Variants in CNTN4 observed in about 807,000 individuals in gnomAD.
CNTN4 encodes the protein contactin-4.
In CNTN4, 77 loss-of-function variants were observed where a neutral mutation model predicts 122.5. That is an observed-to-expected ratio of 0.63 (90% confidence interval 0.52 to 0.76). The LOEUF is 0.76. Ranked by LOEUF, CNTN4 falls within the 30% of genes least tolerant of loss-of-function variation. The pLI is 0.00. For missense variants in CNTN4, 1,256 were observed against 1,259.1 expected (o/e 1.00, Z 0.04); for synonymous variants, 512 against 447.0 (o/e 1.15, Z -1.83).
intron 3 of CNTN4, among the ~76,000 whole-genome samples, chr3:2,474,194 C>T (rs1052857734): frequency 6.6e-6 from 1 of 152,082 alleles, no homozygotes; most frequent in Admixed American, 6.6e-5. Context: ...CTTCCCTTAG[C>T]ACAGCATTTC....
At chr3:2,275,993 AAT>A (rs1238219274) in intron 2 of CNTN4, among the ~76,000 whole-genome samples, 1 of 151,910 alleles carries the variant, frequency 6.6e-6, no homozygotes, top group Non-Finnish European at 1.5e-5. Flanking sequence ...GTGAGTATAA[AAT>A]CATTGGTAAT....
chr3:2,562,508 G>C (rs1459610778), intron 3 of CNTN4, among the ~76,000 whole-genome samples: 5 of 152,048 alleles, frequency 3.3e-5, no homozygotes, highest in Non-Finnish European at 1.5e-5. Context: ...GCATTAATTT[G>C]TTTAGTATAA....
At chr3:2,419,864 A>G (rs1400444596) in intron 3 of CNTN4, among the ~76,000 whole-genome samples, 1 of 152,156 alleles carries the variant, frequency 6.6e-6, no homozygotes, top group African/African-American at 2.4e-5. Context: ...ATATACAAAT[A>G]TATCAGCTCA....
At chr3:3,009,775 G>C (rs1190064209) in intron 14 of CNTN4, among the ~76,000 whole-genome samples, 2 of 152,144 alleles carry the variant, frequency 1.3e-5, no homozygotes, top group African/African-American at 4.8e-5. Context: ...TTTTGTGTTA[G>C]TTGTCCTCAC....
intron 4 of CNTN4, among the ~76,000 whole-genome samples, chr3:2,713,032 T>C (rs1037350220): frequency 1.3e-5 from 2 of 152,196 alleles, no homozygotes; most frequent in Admixed American, 1.3e-4. Context: ...CCTGTGTTAT[T>C]TGAGCCACTC....
In CNTN4 at chr3:2,440,216, A is replaced by G. The variant is rs1038620524; in HGVS notation, c.-89+100983A>G. ...TGCAGGTTAGTTACATATGTATACC[A>G]TGAAACTGGAAATCATCATTCTCAG... is the stretch of plus-strand genomic sequence containing the variant. On this transcript the variant is annotated intron_variant, in intron 3 of 24. Coordinates refer to ENST00000418658, the MANE Select transcript of CNTN4 (RefSeq NM_175607.3). 2.6e-5 allele frequency among the ~76,000 whole-genome samples: 4 copies of G among 152,164 alleles called. No homozygotes were observed. The South Asian group carries it at 8.3e-4, about 31-fold the overall frequency.
rs549447835 is a variant in CNTN4, at chr3:2,674,837, G to A, written c.56-61378G>A. ...GAGCACTAGAGCTTATTCGTCTTAT[G>A]TAGCTGTGAATTTGGATCTGTTAAC... On this transcript the variant is annotated intron_variant, in intron 4 of 24. Coordinates refer to ENST00000418658, the MANE Select transcript of CNTN4 (RefSeq NM_175607.3). Among the ~76,000 whole-genome samples the A allele has an allele frequency of 3.3e-5, 5 of 150,872 alleles. No individual in the cohort carries two copies. The East Asian group carries it at 9.7e-4, about 29-fold the overall frequency.
At chr3:2,105,531 T>C (rs2032368658) in intron 2 of CNTN4, among the ~76,000 whole-genome samples, 1 of 152,002 alleles carries the variant, frequency 6.6e-6, no homozygotes, top group Non-Finnish European at 1.5e-5. Context: ...CAAGAGACAG[T>C]GAAGGAGGAA....
At chr3:2,140,779 T>G (rs1050502791) in intron 2 of CNTN4, among the ~76,000 whole-genome samples, 2 of 152,150 alleles carry the variant, frequency 1.3e-5, no homozygotes, top group African/African-American at 2.4e-5. Flanking sequence ...GCCTCAAAAT[T>G]TATATTTTGC....
At chr3:2,390,634 A>C (rs989051534) in intron 3 of CNTN4, among the ~76,000 whole-genome samples, 17 of 152,200 alleles carry the variant, frequency 1.1e-4, no homozygotes, top group Admixed American at 4.6e-4. Flanking sequence ...ATACAGGTTA[A>C]ATATTTTCTA....
intron 4 of CNTN4, among the ~76,000 whole-genome samples, chr3:2,683,307 A>G (rs6442748): frequency 0.4 from 60,212 of 151,436 alleles, 13,289 homozygotes; most frequent in African/African-American, 0.59. Context: ...CCAAATCCAC[A>G]TCTCTCACCT....
intron 3 of CNTN4, among the ~76,000 whole-genome samples, chr3:2,453,979 A>C (rs796209732): frequency 1.8e-4 from 28 of 152,098 alleles, no homozygotes; most frequent in African/African-American, 6.8e-4. Context: ...AAAAATATTG[A>C]AGTGATTTCT....
intron 13 of CNTN4, among the ~76,000 whole-genome samples, chr3:2,931,939 C>A (rs1431030318): frequency 6.6e-6 from 1 of 152,182 alleles, no homozygotes; most frequent in African/African-American, 2.4e-5. Flanking sequence ...GAAGCCACCA[C>A]ACCTTGCCCA....
chr3:2,262,033 C>T (rs1483759370), intron 2 of CNTN4, among the ~76,000 whole-genome samples: 2 of 151,578 alleles, frequency 1.3e-5, no homozygotes, highest in Non-Finnish European at 2.9e-5. Context: ...ATTTTTTTTT[C>T]CTCAGCCAGA....
chr3:2,378,683 G>A (rs2045910440), intron 3 of CNTN4, among the ~76,000 whole-genome samples: 1 of 151,870 alleles, frequency 6.6e-6, no homozygotes, highest in Admixed American at 6.6e-5. Context: ...AGATAAATGA[G>A]ACTCCAGATC....
intron 4 of CNTN4, chr3:2,735,743 C>T (rs757739925): frequency 7.5e-5 from 25 of 335,476 alleles, no homozygotes; most frequent in African/African-American, 2.4e-4. Context: ...ATTAGCAATA[C>T]GGAGCTGTTA....
At chr3:2,708,723 C>T (rs6801439) in intron 4 of CNTN4, among the ~76,000 whole-genome samples, 2,512 of 136,696 alleles carry the variant, frequency 0.018, 75 homozygotes, top group African/African-American at 0.063. Flanking sequence ...CGCGCACGCG[C>T]GCATCACACA....
chr3:2,540,350 A>G (rs2149292291), intron 3 of CNTN4, among the ~76,000 whole-genome samples: 1 of 151,962 alleles, frequency 6.6e-6, no homozygotes, highest in Non-Finnish European at 1.5e-5. Context: ...CCAAACAGCT[A>G]GTTTGGAGGC....
intron 3 of CNTN4, among the ~76,000 whole-genome samples, chr3:2,378,029 G>A (rs12494518): frequency 0.29 from 44,131 of 152,030 alleles, 6,740 homozygotes; most frequent in Middle Eastern, 0.41. Context: ...AGATGGCATC[G>A]TTACTGACTC....
Sources: gnomAD v4.1 joint callset for allele counts (sites outside exome capture counted in the v4.1 genomes callset) on GRCh38, gnomAD v4.1.1 for gene constraint, MANE v1.5 for transcripts, NCBI Gene and HGNC (gene_info 2026-07-23, HGNC 2026-07-21) for gene names.